Variants in MGAT4D observed in about 807,000 individuals in gnomAD.
The protein encoded by MGAT4D is MGAT4 family member D.
Under a neutral mutation model 15.9 loss-of-function variants are expected in MGAT4D, and 34 were observed. The ratio of observed to expected loss-of-function variants is 2.14; its 90% CI spans 1.62 to 2.84. The LOEUF (loss-of-function observed/expected upper bound fraction) is 2.84. Among genes scored for constraint, MGAT4D ranks in the 30% most tolerant of loss-of-function variants. The pLI is 0.00. For missense variants in MGAT4D, 327 were observed against 140.2 expected, an observed-to-expected ratio of 2.33 and a Z score of -6.73; for synonymous variants, 112 against 48.2, an observed-to-expected ratio of 2.33 and a Z score of -5.49.
In MGAT4D at chr4:140,451,514, T is replaced by C; in HGVS notation, c.1012A>G (p.Asn338Asp). Reference protein sequence around the residue: ...KVCDAGEDLRNCMKRKKQIRI... With the variant: ...KVCDAGEDLRDCMKRKKQIRI... Reference sequence around the variant, plus strand: ...ATTTGCTTCTTTCGTTTCATACAGTTTCTCTGGGGAAAAAGAAACAACAAT... The same window carrying C: ...ATTTGCTTCTTTCGTTTCATACAGTCTCTCTGGGGAAAAAGAAACAACAAT... Residue 338 changes from asparagine to aspartate, a missense_variant, in exon 10 of 11, where the codon AAC becomes GAC. Transcript: ENST00000511113. The C allele has an allele frequency of 3.7e-6, 2 of 545,074 alleles. No individual in the cohort carries two copies. The highest frequency in any genetic ancestry group is 6.7e-6 in the Non-Finnish European group (2 of 299,338). 33.8% of individuals were successfully genotyped at this position (545,074 alleles called of 1,614,324 possible).
chr4:140,487,211 G>A (rs1178728301), intron 1 of MGAT4D, among the ~76,000 whole-genome samples: 3 of 152,302 alleles, frequency 2.0e-5, no homozygotes, highest in Non-Finnish European at 4.4e-5. Context: ...ATTTAGTGAG[G>A]ATGAAATGTT....
intron 9 of MGAT4D, among the ~76,000 whole-genome samples, chr4:140,455,523 T>G (rs1730739644): frequency 6.6e-6 from 1 of 152,218 alleles, no homozygotes. Flanking sequence ...TTTTTGAGAA[T>G]GTATTTTCTA....
chr4:140,481,908 C>T (rs1732758271), intron 2 of MGAT4D, among the ~76,000 whole-genome samples: 1 of 152,186 alleles, frequency 6.6e-6, no homozygotes, highest in Admixed American at 6.5e-5. Context: ...TGTTACTAGT[C>T]ACTCAGGTAA....
At chr4:140,492,241 G>C (rs899719685) in intron 1 of MGAT4D, among the ~76,000 whole-genome samples, 1 of 152,104 alleles carries the variant, frequency 6.6e-6, no homozygotes, top group African/African-American at 2.4e-5. Context: ...CCACTGTGTC[G>C]GGAGAGGAGA....
chr4:140,466,558 C>T (rs906885028), intron 5 of MGAT4D, among the ~76,000 whole-genome samples: 4 of 152,128 alleles, frequency 2.6e-5, no homozygotes, highest in Non-Finnish European at 5.9e-5. Context: ...GAAATCAAAT[C>T]ATTAATACTC....
At chr4:140,460,994 C>A (rs1003946837) in intron 7 of MGAT4D, among the ~76,000 whole-genome samples, 1 of 152,150 alleles carries the variant, frequency 6.6e-6, no homozygotes, top group Non-Finnish European at 1.5e-5. Context: ...CCACAACTAG[C>A]TGGTTAGAAT....
chr4:140,461,511 T>C (rs1578658605), intron 7 of MGAT4D, among the ~76,000 whole-genome samples: 1 of 152,186 alleles, frequency 6.6e-6, no homozygotes, highest in African/African-American at 2.4e-5. Flanking sequence ...CATAAAGTAT[T>C]ATGAGTAAAT....
At chr4:140,464,493 T>A (rs67308919) in intron 6 of MGAT4D, among the ~76,000 whole-genome samples, 29,414 of 152,148 alleles carry the variant, frequency 0.19, 2,912 homozygotes, top group South Asian at 0.28. Flanking sequence ...CAGCAAACAG[T>A]ACAGCTGGGA....
chr4:140,475,033 G>C, intron 3 of MGAT4D, 87 bp from the exon 4 acceptor site: 1 of 453,436 alleles, frequency 2.2e-6, no homozygotes, highest in Non-Finnish European at 3.9e-6. Flanking sequence ...TCCTATGTTT[G>C]GGTTAGTCTT....
intron 4 of MGAT4D, among the ~76,000 whole-genome samples, chr4:140,472,604 C>G (rs1195540009): frequency 6.6e-6 from 1 of 152,152 alleles, no homozygotes; most frequent in Non-Finnish European, 1.5e-5. Context: ...ACTGGAGGCT[C>G]TTAACCATAA....
chr4:140,483,363 G>T (rs1560795677), intron 1 of MGAT4D, among the ~76,000 whole-genome samples: 1 of 152,080 alleles, frequency 6.6e-6, no homozygotes, highest in Non-Finnish European at 1.5e-5. Context: ...CTGGGTGAAA[G>T]AAATTGAAGA....
chr4:140,464,041 T>G (rs1051376613), intron 6 of MGAT4D, among the ~76,000 whole-genome samples: 4 of 152,030 alleles, frequency 2.6e-5, no homozygotes, highest in Admixed American at 2.6e-4. Context: ...GACAGAGATA[T>G]AAAAGGCTGA....
chr4:140,473,186 AATG>A (rs1229745527), intron 4 of MGAT4D, among the ~76,000 whole-genome samples: 1 of 151,934 alleles, frequency 6.6e-6, no homozygotes, highest in East Asian at 1.9e-4. Context: ...TATTTAACAT[AATG>A]ATAACATTAT....
Position 140,479,647 on chromosome 4 carries a change from C to T in MGAT4D, c.254-20G>A, listed in dbSNP as rs564996288. The T allele has an allele frequency of 2.2e-4, 96 of 430,116 alleles. 1 individual carries two copies. The highest frequency in any genetic ancestry group is 6.4e-4 in the Admixed American group (15 of 23,274). 26.6% of individuals were successfully genotyped at this position (430,116 alleles called of 1,614,324 possible). Reference sequence around the variant, plus strand: ...GTGCAACTGAAAGAAAAAAATAATGCTTCTGAGTATATGATCATAGGGATT... The same window carrying T: ...GTGCAACTGAAAGAAAAAAATAATGTTTCTGAGTATATGATCATAGGGATT... On this transcript the variant is annotated intron_variant, in intron 2 of 10. Coordinates refer to ENST00000511113, the MANE Select transcript of MGAT4D (RefSeq NM_001277353.2).
intron 1 of MGAT4D, among the ~76,000 whole-genome samples, chr4:140,497,595 G>A (rs1733919379): frequency 6.6e-6 from 1 of 152,188 alleles, no homozygotes; most frequent in South Asian, 2.1e-4. Context: ...GCGCTGGGCC[G>A]GCGCTGTAGG....
At chr4:140,496,837 T>TA (rs11377340) in intron 1 of MGAT4D, among the ~76,000 whole-genome samples, 23,260 of 150,738 alleles carry the variant, frequency 0.15, 1,976 homozygotes, top group African/African-American at 0.21. Flanking sequence ...AACTCTGTCT[T>TA]AAAAAAAAAA....
intron 10 of MGAT4D, among the ~76,000 whole-genome samples, chr4:140,447,861 T>A (rs977164898): frequency 6.6e-6 from 1 of 152,194 alleles, no homozygotes. Context: ...CTTTCCATAG[T>A]TAGTGCTCCT....
intron 1 of MGAT4D, among the ~76,000 whole-genome samples, chr4:140,494,972 C>T (rs1456068337): frequency 2.0e-5 from 3 of 152,192 alleles, no homozygotes; most frequent in Non-Finnish European, 4.4e-5. Context: ...TCATAGCACA[C>T]ATCCAATAAT....
chr4:140,480,759 A>G lies in MGAT4D; in HGVS notation c.254-1132T>C, dbSNP rs968587370. Among the ~76,000 whole-genome samples, 5 of 150,828 alleles carry G rather than the reference A, an allele frequency of 3.3e-5. No individual in the cohort carries two copies. The East Asian group carries it at 5.9e-4, about 18-fold the overall frequency. On this transcript the variant is annotated intron_variant, in intron 2 of 10. Transcript: ENST00000511113. ...CACACACACACACACACACACACAC[A>G]CACACACACACACACACACACACAC...
Sources: gnomAD v4.1 joint callset for allele counts (sites outside exome capture counted in the v4.1 genomes callset) on GRCh38, gnomAD v4.1.1 for gene constraint, MANE v1.5 for transcripts, NCBI Gene and HGNC (gene_info 2026-07-23, HGNC 2026-07-21) for gene names.